Variants in MVK observed in about 807,000 individuals in gnomAD.
MVK encodes mevalonate kinase, also known as LH receptor mRNA-binding protein.
Under a neutral mutation model 43.2 loss-of-function variants are expected in MVK, and 34 were observed. That is an observed-to-expected ratio of 0.79 (90% CI 0.60 to 1.05). The LOEUF (loss-of-function observed/expected upper bound fraction) is 1.05, where lower values mean the gene tolerates loss of function less well. MVK is among the 50% of genes least tolerant of loss of function. The pLI, the probability that MVK is intolerant of heterozygous loss-of-function variation, is 0.00. For missense variants in MVK, 395 were observed against 504.0 expected, an observed-to-expected ratio of 0.78 and a Z score of 2.07; for synonymous variants, 190 against 219.8, an observed-to-expected ratio of 0.86 and a Z score of 1.20.
At chr12:109,594,205 C>G (rs746977495) in intron 9 of MVK, among the ~76,000 whole-genome samples, 2 of 152,160 alleles carry the variant, frequency 1.3e-5, no homozygotes, top group Non-Finnish European at 2.9e-5. Flanking sequence ...CCTTAGAGCC[C>G]CAGCACGTTG....
At chr12:109,592,224 C>CA (rs1443762708) in intron 9 of MVK, among the ~76,000 whole-genome samples, 1 of 152,158 alleles carries the variant, frequency 6.6e-6, no homozygotes, top group Non-Finnish European at 1.5e-5. Context: ...CACACACACA[C>CA]AAAAAATGCT....
At position 109,586,479 on chromosome 12, in the gene MVK, G is replaced by A. The variant is rs184332691; in HGVS notation, c.632-275G>A. ...TTACAGGGCCCAGATGCTGTGTCCTGGGCCCCACCTTCACCATGTGGCTTG... is the reference window on the plus strand; with the variant it reads ...TTACAGGGCCCAGATGCTGTGTCCTAGGCCCCACCTTCACCATGTGGCTTG... On this transcript the variant is annotated intron_variant, in intron 6 of 10. Coordinates refer to ENST00000228510, the MANE Select transcript of MVK (RefSeq NM_000431.4). 4.0e-3 allele frequency among the ~76,000 whole-genome samples: 603 copies of A among 152,286 alleles called. 1 individual carries two copies. Among genetic ancestry groups the A allele is most frequent in the South Asian group, 7.7e-3 (37 of 4,820 alleles).
Position 109,581,533 on chromosome 12 carries a change from C to T in MVK, c.510C>T (p.Asp170=), listed in dbSNP as rs2287218. Residue 170 remains aspartate (D), a synonymous_variant, in exon 5 of 11, where the codon GAC becomes GAT. Transcript: ENST00000228510. ...AGGAGATCCCAAACCCGCTGAAGGA[C>T]GGGGATTGCGTCAACAGGTAACCAT... is the stretch of plus-strand genomic sequence containing the variant. ...VCEEIPNPLK[D]GDCVNRWTKE... The T allele has an allele frequency of 0.17, 277,986 of 1,614,050 alleles. 24,479 individuals are homozygous for T. The highest frequency in any genetic ancestry group is 0.2 in the Middle Eastern group (1,222 of 6,062).
chr12:109,579,660 C>T, intron 3 of MVK, 142 bp from the exon 4 acceptor site: 1 of 1,169,798 alleles, frequency 8.5e-7, no homozygotes, highest in Middle Eastern at 1.9e-4. Flanking sequence ...AATGAACAGA[C>T]TTGGGTGTGG....
upstream of MVK, chr12:109,573,546 C>T (rs1310142768): frequency 3.9e-6 from 6 of 1,534,926 alleles, no homozygotes; most frequent in Admixed American, 3.8e-5. Context: ...GTGACTCCAC[C>T]CACAGCTGGC....
chr12:109,576,227 G>T, intron 3 of MVK, 82 bp downstream of exon 3: 1 of 1,565,834 alleles, frequency 6.4e-7, no homozygotes, highest in East Asian at 2.3e-5. Context: ...TGTCCCCAAG[G>T]GAGCCAGGGG....
chr12:109,587,135 T>G, intron 7 of MVK: 1 of 354,636 alleles, frequency 2.8e-6, no homozygotes, highest in South Asian at 2.4e-5. Flanking sequence ...GATGCTGCAC[T>G]GGGGCGTAGG....
At chr12:109,574,763 C>A in intron 1 of MVK, 46 bp from the exon 2 acceptor site, 1 of 1,471,676 alleles carries the variant, frequency 6.8e-7, no homozygotes, top group Non-Finnish European at 9.3e-7. Flanking sequence ...CCTGCTGGTT[C>A]TGACATCTAG....
At chr12:109,576,418 A>G (rs1884958632) in intron 3 of MVK, among the ~76,000 whole-genome samples, 1 of 152,208 alleles carries the variant, frequency 6.6e-6, no homozygotes, top group Non-Finnish European at 1.5e-5. Context: ...GTATTTAAGT[A>G]TAAATATGTG....
intron 3 of MVK, among the ~76,000 whole-genome samples, chr12:109,579,547 T>G (rs1885118608): frequency 6.6e-6 from 1 of 152,202 alleles, no homozygotes; most frequent in Non-Finnish European, 1.5e-5. Context: ...GAGGCACTGT[T>G]GTTATCCCTG....
At chr12:109,586,961 G>T (rs1014524093) in intron 7 of MVK, 162 bp downstream of exon 7, 4 of 790,668 alleles carry the variant, frequency 5.1e-6, no homozygotes, top group Non-Finnish European at 8.4e-6. Flanking sequence ...AGCAGGGGTG[G>T]TGGGGAAGAC....
chr12:109,594,565 A>C (rs1231445021), intron 9 of MVK, among the ~76,000 whole-genome samples: 1 of 152,256 alleles, frequency 6.6e-6, no homozygotes, highest in Admixed American at 6.5e-5. Flanking sequence ...GGTATAGCTC[A>C]ATCCAGGGGC....
intron 9 of MVK, among the ~76,000 whole-genome samples, chr12:109,591,643 G>C (rs938082943): frequency 6.6e-6 from 1 of 152,246 alleles, no homozygotes; most frequent in African/African-American, 2.4e-5. Flanking sequence ...TCACTTCTAA[G>C]GAGCTCTGGC....
At chr12:109,594,549 G>T (rs1885829200) in intron 9 of MVK, among the ~76,000 whole-genome samples, 2 of 152,252 alleles carry the variant, frequency 1.3e-5, no homozygotes, top group South Asian at 4.1e-4. Flanking sequence ...GAGGTAAATG[G>T]CTTCAGGTAT....
intron 9 of MVK, among the ~76,000 whole-genome samples, chr12:109,594,162 TC>T (rs1451640891): frequency 2.6e-5 from 4 of 152,244 alleles, no homozygotes; most frequent in Admixed American, 1.3e-4. Context: ...GGTTTTTACT[TC>T]CTGATGGCTG....
At chr12:109,582,570 ATTCC>A (rs1555277759) in intron 5 of MVK, among the ~76,000 whole-genome samples, 1 of 151,690 alleles carries the variant, frequency 6.6e-6, no homozygotes, top group Non-Finnish European at 1.5e-5. Flanking sequence ...AAGGCCAGTC[ATTCC>A]TTCTCAGAAC....
chr12:109,573,349 G>T (rs747649185), upstream of MVK: 1 of 1,613,304 alleles, frequency 6.2e-7, no homozygotes, highest in South Asian at 1.1e-5. Flanking sequence ...CCACTCACCT[G>T]TCCCCGTCTT....
chr12:109,576,267 G>A, intron 3 of MVK, 122 bp downstream of exon 3: 1 of 1,252,086 alleles, frequency 8.0e-7, no homozygotes, highest in Non-Finnish European at 1.1e-6. Flanking sequence ...TTTCTACCCT[G>A]ACCTCATAAA....
chr12:109,597,662 G>A lies in MVK; in HGVS notation c.*1085G>A, dbSNP rs1182644360. ...CGGGTGCCTGGCACTCCCCACCCCC[G>A]CCCCCCACCGGCCCTATTTGAACTT... On this transcript the variant is annotated 3_prime_UTR_variant, in exon 11 of 11. Coordinates refer to ENST00000228510, the MANE Select transcript of MVK (RefSeq NM_000431.4). The A allele has an allele frequency of 1.3e-5, 2 of 151,590 alleles. No individual in the cohort carries two copies. The highest frequency in any genetic ancestry group is 2.9e-5 in the Non-Finnish European group (2 of 67,862). 9.4% of individuals were successfully genotyped at this position (151,590 alleles called of 1,614,324 possible).
Sources: allele counts gnomAD v4.1 joint callset (sites outside exome capture counted in the v4.1 genomes callset), GRCh38; gene constraint gnomAD v4.1.1; transcripts MANE v1.5; gene names NCBI Gene and HGNC (gene_info 2026-07-23, HGNC 2026-07-21).